ADGRB3: variants seen among roughly 807,000 people sequenced by gnomAD.
The protein encoded by ADGRB3 is adhesion G protein-coupled receptor B3.
A neutral mutation model predicts 193.4 loss-of-function variants in ADGRB3; 37 were observed. The observed-to-expected ratio is 0.19, with a 90% confidence interval of 0.15 to 0.25. The LOEUF (loss-of-function observed/expected upper bound fraction) is 0.25. ADGRB3 is among the 10% of genes least tolerant of loss of function. The pLI is 1.00. For synonymous variants in ADGRB3, 690 were observed against 644.2 expected (o/e 1.07, Z -1.08); for missense variants, 1,637 against 1,852.9 (o/e 0.88, Z 2.14).
intron 15 of ADGRB3, among the ~76,000 whole-genome samples, chr6:69,058,932 G>A (rs1012856287): frequency 6.6e-6 from 1 of 152,008 alleles, no homozygotes; most frequent in Non-Finnish European, 1.5e-5. Flanking sequence ...TTGTTGTATG[G>A]AGTGTTCTGC....
At chr6:68,827,435 A>G (rs1767866297) in intron 3 of ADGRB3, among the ~76,000 whole-genome samples, 1 of 152,114 alleles carries the variant, frequency 6.6e-6, no homozygotes, top group Non-Finnish European at 1.5e-5. Flanking sequence ...AGCAGCGATA[A>G]AAGAGATTTT....
At chr6:68,867,800 T>G (rs1210162086) in intron 3 of ADGRB3, among the ~76,000 whole-genome samples, 1 of 152,216 alleles carries the variant, frequency 6.6e-6, no homozygotes, top group Non-Finnish European at 1.5e-5. Flanking sequence ...ATTTAATGAC[T>G]GTCCTGCTGG....
chr6:68,648,482 TC>T (rs1561982435), intron 3 of ADGRB3, among the ~76,000 whole-genome samples: 16 of 149,940 alleles, frequency 1.1e-4, no homozygotes, highest in African/African-American at 3.7e-4. Flanking sequence ...GTTTTTTTTT[TC>T]GAAAGAGAGC....
At chr6:68,780,556 T>G (rs1456651359) in intron 3 of ADGRB3, among the ~76,000 whole-genome samples, 1 of 152,090 alleles carries the variant, frequency 6.6e-6, no homozygotes, top group Non-Finnish European at 1.5e-5. Context: ...GATTAAGAAA[T>G]GGATGAGCAC....
At chr6:68,863,507 A>T (rs1450510943) in intron 3 of ADGRB3, among the ~76,000 whole-genome samples, 1 of 152,076 alleles carries the variant, frequency 6.6e-6, no homozygotes, top group East Asian at 1.9e-4. Flanking sequence ...ATCATTTATT[A>T]TGAATCATAC....
intron 26 of ADGRB3, among the ~76,000 whole-genome samples, chr6:69,353,837 G>A (rs1384381411): frequency 6.6e-6 from 1 of 152,154 alleles, no homozygotes; most frequent in Non-Finnish European, 1.5e-5. Flanking sequence ...GCCGAGGTGG[G>A]CAGATCACCT....
At chr6:69,342,348 C>A (rs1445104652) in intron 26 of ADGRB3, among the ~76,000 whole-genome samples, 1 of 151,850 alleles carries the variant, frequency 6.6e-6, no homozygotes, top group Non-Finnish European at 1.5e-5. Context: ...TCACATATTT[C>A]TTTTTTTTAA....
chr6:69,382,909 C>A lies in ADGRB3; in HGVS notation c.4354C>A (p.Arg1452=). 6.2e-7 allele frequency: 1 copy of A among 1,606,870 alleles called. No homozygotes were observed. Among genetic ancestry groups the A allele is most frequent in the Middle Eastern group, 1.7e-4 (1 of 6,028 alleles). Residue 1452 remains arginine, a synonymous_variant, in exon 31 of 32, where the codon CGG becomes AGG. Transcript: ENST00000370598. ...NQKFQTLDRF[R]DIPNTSSMEN... is the part of the protein sequence containing the mutation. ...GAAATTTCAAACTTTGGACAGATTT[C>A]GGGATATACCAAATACAAGCAGTAT...
intron 17 of ADGRB3, among the ~76,000 whole-genome samples, chr6:69,187,029 A>C (rs1317060768): frequency 1.3e-5 from 2 of 151,668 alleles, no homozygotes; most frequent in Admixed American, 1.3e-4. Flanking sequence ...TGGAATGGTA[A>C]ACATAACATT....
At chr6:68,642,762 C>G (rs1582092327) in intron 3 of ADGRB3, among the ~76,000 whole-genome samples, 1 of 145,860 alleles carries the variant, frequency 6.9e-6, no homozygotes, top group African/African-American at 2.5e-5. Flanking sequence ...TGTCTTATTT[C>G]AGGCAGCTTT....
At chr6:68,909,237 G>A (rs1766631768) in intron 3 of ADGRB3, among the ~76,000 whole-genome samples, 1 of 152,078 alleles carries the variant, frequency 6.6e-6, no homozygotes, top group Admixed American at 6.6e-5. Flanking sequence ...GGAGTTGGTG[G>A]ACACATAATA....
chr6:68,783,868 C>T (rs576592644), intron 3 of ADGRB3, among the ~76,000 whole-genome samples: 81 of 151,984 alleles, frequency 5.3e-4, no homozygotes, highest in African/African-American at 1.8e-3. Context: ...CAGAAGGATG[C>T]CCTGAAAAAA....
chr6:69,288,035 T>G (rs1767588952), intron 20 of ADGRB3, among the ~76,000 whole-genome samples: 1 of 149,016 alleles, frequency 6.7e-6, no homozygotes, highest in Non-Finnish European at 1.5e-5. Flanking sequence ...ACTTGTTTCA[T>G]TTTTTTTTTG....
chr6:69,383,672 T>C (rs1444341350), intron 31 of ADGRB3, among the ~76,000 whole-genome samples: 1 of 151,984 alleles, frequency 6.6e-6, no homozygotes, highest in African/African-American at 2.4e-5. Context: ...AACTCCAATT[T>C]CACCCTCCTA....
intron 17 of ADGRB3, among the ~76,000 whole-genome samples, chr6:69,149,492 A>G (rs777548422): frequency 2.6e-5 from 4 of 152,052 alleles, no homozygotes; most frequent in Non-Finnish European, 4.4e-5. Context: ...GCTATTTTGA[A>G]TGATCTGACT....
At chr6:69,308,953 A>G (rs1317163663) in intron 20 of ADGRB3, among the ~76,000 whole-genome samples, 1 of 151,694 alleles carries the variant, frequency 6.6e-6, no homozygotes, top group Non-Finnish European at 1.5e-5. Context: ...TGGGAAATCC[A>G]TTCTTTATTC....
At chr6:69,229,537 T>A (rs1477863690) in intron 17 of ADGRB3, among the ~76,000 whole-genome samples, 1 of 152,192 alleles carries the variant, frequency 6.6e-6, no homozygotes, top group Non-Finnish European at 1.5e-5. Context: ...GTATAACTTA[T>A]TCATAATAAA....
At chr6:69,224,422 C>T (rs994824775) in intron 17 of ADGRB3, among the ~76,000 whole-genome samples, 9 of 151,724 alleles carry the variant, frequency 5.9e-5, no homozygotes, top group African/African-American at 1.5e-4. Flanking sequence ...TTATATTAGG[C>T]GAAAAATTGG....
At chr6:68,791,028 GCA>G (rs1361814566) in intron 3 of ADGRB3, among the ~76,000 whole-genome samples, 1 of 145,050 alleles carries the variant, frequency 6.9e-6, no homozygotes, top group Non-Finnish European at 1.5e-5. Context: ...ATCCTGGGCA[GCA>G]CAGTGAGACC....
Sources: allele counts gnomAD v4.1 joint callset (sites outside exome capture counted in the v4.1 genomes callset), GRCh38; gene constraint gnomAD v4.1.1; transcripts MANE v1.5; gene names NCBI Gene and HGNC (gene_info 2026-07-23, HGNC 2026-07-21).